The following COBL variants were observed in gnomAD, a reference collection of about 807,000 sequenced individuals.
The protein encoded by COBL is cordon-bleu WH2 repeat protein, also known as protein cordon-bleu.
In COBL, 51 loss-of-function variants were observed where a neutral mutation model predicts 98.8. The observed-to-expected ratio is 0.52, with a 90% CI of 0.41 to 0.65. The LOEUF is 0.65. COBL is among the 30% of genes least tolerant of loss of function. The pLI is 0.00. For synonymous variants in COBL, 634 were observed against 651.7 expected (o/e 0.97, Z 0.41); for missense variants, 1,617 against 1,617.5 (o/e 1.00, Z 0.01).
intron 5 of COBL, among the ~76,000 whole-genome samples, chr7:51,158,479 G>A (rs528587994): frequency 1.2e-3 from 71 of 61,608 alleles, no homozygotes; most frequent in African/African-American, 2.3e-3. Flanking sequence ...ACATATTTAA[G>A]ATGCAGAAAT....
chr7:51,216,778 G>A (rs1793094108), intron 2 of COBL, among the ~76,000 whole-genome samples: 1 of 152,120 alleles, frequency 6.6e-6, no homozygotes, highest in Non-Finnish European at 1.5e-5. Flanking sequence ...CAGTTAAGGG[G>A]CTGACTATAA....
At chr7:51,234,702 GAAAAAAAA>G (rs71021761) in intron 1 of COBL, among the ~76,000 whole-genome samples, 1 of 114,034 alleles carries the variant, frequency 8.8e-6, no homozygotes, top group Non-Finnish European at 1.8e-5. Flanking sequence ...CCCTGTTTCA[GAAAAAAAA>G]AAAAAAAAAG....
chr7:51,281,949 T>C (rs2129177171), intron 1 of COBL, among the ~76,000 whole-genome samples: 1 of 152,244 alleles, frequency 6.6e-6, no homozygotes, highest in South Asian at 2.1e-4. Context: ...AATAGTAAGT[T>C]ATACTCCACA....
At chr7:51,134,952 A>G (rs1363881926) in intron 6 of COBL, among the ~76,000 whole-genome samples, 1 of 152,106 alleles carries the variant, frequency 6.6e-6, no homozygotes, top group Non-Finnish European at 1.5e-5. Context: ...ATATGTATAC[A>G]TTCCTTTTTT....
At chr7:51,130,192 C>G (rs1040407865) in intron 6 of COBL, among the ~76,000 whole-genome samples, 1 of 152,108 alleles carries the variant, frequency 6.6e-6, no homozygotes, top group Non-Finnish European at 1.5e-5. Flanking sequence ...CCCTCCTGAG[C>G]GCATGGTAAA....
chr7:51,211,886 C>G (rs1792470542), intron 2 of COBL, among the ~76,000 whole-genome samples: 1 of 152,148 alleles, frequency 6.6e-6, no homozygotes, highest in South Asian at 2.1e-4. Context: ...CTCTCTGCCT[C>G]TCCTCTCTCT....
At position 51,228,343 on chromosome 7, in the gene COBL, G is replaced by A. The variant is rs187025206; in HGVS notation, c.42-8399C>T. Among the ~76,000 whole-genome samples the A allele has an allele frequency of 1.6e-3, 245 of 151,656 alleles. 1 individual carries two copies. Among genetic ancestry groups the A allele is most frequent in the African/African-American group, 5.7e-3 (236 of 41,332 alleles). On this transcript the variant is annotated intron_variant, in intron 1 of 12. Transcript: ENST00000265136. ...CACCGAGACACAGGTAGCACTCAATGACTGGTGGTAATTACAAATTTTTTT... is the reference window on the plus strand; with the variant it reads ...CACCGAGACACAGGTAGCACTCAATAACTGGTGGTAATTACAAATTTTTTT...
At chr7:51,095,953 G>A (rs1201417120) in intron 6 of COBL, among the ~76,000 whole-genome samples, 1 of 152,110 alleles carries the variant, frequency 6.6e-6, no homozygotes, top group Non-Finnish European at 1.5e-5. Context: ...ATATTTCAAT[G>A]CTCCACTTTC....
intron 7 of COBL, among the ~76,000 whole-genome samples, chr7:51,074,191 ATTTTTTTTTTTT>A (rs369421469): frequency 1.0e-5 from 1 of 100,496 alleles, no homozygotes; most frequent in Non-Finnish European, 1.8e-5. Context: ...CAAGGTAATG[ATTTTTTTTTTTT>A]TTTTTTTTTT....
At chr7:51,040,367 G>A (rs1352077407) in intron 8 of COBL, among the ~76,000 whole-genome samples, 2 of 152,116 alleles carry the variant, frequency 1.3e-5, no homozygotes, top group Non-Finnish European at 2.9e-5. Context: ...AGGGCTGAGG[G>A]ACTCAAAGAG....
At chr7:51,229,168 GT>G (rs1298135302) in intron 1 of COBL, among the ~76,000 whole-genome samples, 2 of 152,252 alleles carry the variant, frequency 1.3e-5, no homozygotes, top group Non-Finnish European at 2.9e-5. Context: ...TGGACGAGGA[GT>G]GCAGAGTGAA....
intron 5 of COBL, among the ~76,000 whole-genome samples, chr7:51,147,403 C>G (rs1027932642): frequency 6.6e-6 from 1 of 152,168 alleles, no homozygotes; most frequent in African/African-American, 2.4e-5. Context: ...GTACACTCAC[C>G]AGCAGTTTTG....
chr7:51,233,429 A>G lies in COBL; in HGVS notation c.42-13485T>C, dbSNP rs915155066. On this transcript the variant is annotated intron_variant, in intron 1 of 12. Transcript: ENST00000265136. Reference sequence around the variant, plus strand: ...TTTGTTTTTTCCTTCAGTGGGGGGAAAAAAAAGGAGCAGAGCTGTATTGAG... The same window carrying G: ...TTTGTTTTTTCCTTCAGTGGGGGGAGAAAAAAGGAGCAGAGCTGTATTGAG... Among the ~76,000 whole-genome samples the G allele has an allele frequency of 9.2e-4, 55 of 59,496 alleles. 1 individual carries two copies. Among genetic ancestry groups the G allele is most frequent in the African/African-American group, 2.5e-3 (48 of 19,570 alleles). The allele number at this position is 59,496 out of a possible 152,430, so 39.0% of individuals were successfully genotyped here. A position where few individuals can be genotyped will look rare whatever the true frequency, so the allele number is the denominator to read the frequency against.
chr7:51,226,712 G>C (rs1794231549), intron 1 of COBL, among the ~76,000 whole-genome samples: 1 of 152,150 alleles, frequency 6.6e-6, no homozygotes, highest in African/African-American at 2.4e-5. Context: ...TGCAGAACTG[G>C]TTACCAAAGA....
At chr7:51,283,589 A>C (rs1457265281) in intron 1 of COBL, among the ~76,000 whole-genome samples, 1 of 152,070 alleles carries the variant, frequency 6.6e-6, no homozygotes, top group African/African-American at 2.4e-5. Flanking sequence ...GGTTCAAGCA[A>C]TTCTCCTGCC....
In COBL at chr7:51,193,600, G is replaced by A. The variant is rs1292571722; in HGVS notation, c.246-11C>T. The A allele has an allele frequency of 2.5e-6, 4 of 1,612,418 alleles. No individual in the cohort carries two copies. The highest frequency in any genetic ancestry group is 1.7e-6 in the Non-Finnish European group (2 of 1,178,684). ...TCCATCATCGCATGGCTGAAAAAAG[G>A]AAAACAAATCATGATTATTAGGAAT... On this transcript the variant is annotated splice_polypyrimidine_tract_variant and intron_variant, in intron 2 of 12. Coordinates refer to ENST00000265136, the MANE Select transcript of COBL (RefSeq NM_015198.5).
chr7:51,049,509 G>A (rs182870182), intron 7 of COBL, among the ~76,000 whole-genome samples: 7 of 152,304 alleles, frequency 4.6e-5, no homozygotes, highest in South Asian at 2.1e-4. Context: ...CCAGAAGAAC[G>A]TGTACCCAGT....
At chr7:51,121,063 A>G (rs904657196) in intron 6 of COBL, among the ~76,000 whole-genome samples, 15 of 152,084 alleles carry the variant, frequency 9.9e-5, no homozygotes, top group African/African-American at 3.6e-4. Flanking sequence ...CCTATGGGGA[A>G]TTCTATTTTG....
chr7:51,298,932 C>T (rs2129199504), intron 1 of COBL, among the ~76,000 whole-genome samples: 1 of 152,324 alleles, frequency 6.6e-6, no homozygotes, highest in South Asian at 2.1e-4. Flanking sequence ...TCTCCTCTTC[C>T]TCCTCTACCC....
Sources: gnomAD v4.1 joint callset for allele counts (sites outside exome capture counted in the v4.1 genomes callset) on GRCh38, gnomAD v4.1.1 for gene constraint, MANE v1.5 for transcripts, NCBI Gene and HGNC (gene_info 2026-07-23, HGNC 2026-07-21) for gene names.